The following NCKAP5 variants were observed in gnomAD, a reference collection of about 807,000 sequenced individuals.
NCKAP5 encodes NCK associated protein 5.
In NCKAP5, 92 loss-of-function variants were observed where a neutral mutation model predicts 167.0. That is an observed-to-expected ratio of 0.55 (90% CI 0.47 to 0.66). NCKAP5 has a LOEUF of 0.66. Ranked by LOEUF, NCKAP5 falls within the 30% of genes least tolerant of loss-of-function variation. The pLI is 0.00. For missense variants in NCKAP5, 2,378 were observed against 2,315.0 expected, an observed-to-expected ratio of 1.03 and a Z score of -0.56; for synonymous variants, 891 against 877.4, an observed-to-expected ratio of 1.02 and a Z score of -0.27.
At chr2:133,212,288 G>C (rs995294664) in intron 5 of NCKAP5, among the ~76,000 whole-genome samples, 2 of 152,142 alleles carry the variant, frequency 1.3e-5, no homozygotes, top group Non-Finnish European at 2.9e-5. Flanking sequence ...GAAAAGTCCA[G>C]ATTGGAAATG....
chr2:133,179,861 G>C (rs1471793068), intron 5 of NCKAP5, among the ~76,000 whole-genome samples: 1 of 152,074 alleles, frequency 6.6e-6, no homozygotes, highest in Non-Finnish European at 1.5e-5. Flanking sequence ...GAATGAAACA[G>C]AGGGTTTCAG....
At chr2:133,218,838 T>A (rs2086538570) in intron 4 of NCKAP5, among the ~76,000 whole-genome samples, 1 of 152,184 alleles carries the variant, frequency 6.6e-6, no homozygotes, top group Non-Finnish European at 1.5e-5. Flanking sequence ...CTTTATAAAC[T>A]ATTAGGACTG....
chr2:132,985,569 T>G (rs1378991801), intron 7 of NCKAP5, among the ~76,000 whole-genome samples: 1 of 152,156 alleles, frequency 6.6e-6, no homozygotes, highest in African/African-American at 2.4e-5. Flanking sequence ...TTGAAAGACA[T>G]TATTTTTGAC....
chr2:133,429,316 TTTTGGA>T (rs1348669643), intron 3 of NCKAP5, among the ~76,000 whole-genome samples: 1 of 152,122 alleles, frequency 6.6e-6, no homozygotes, highest in African/African-American at 2.4e-5. Flanking sequence ...TCCATTTTTA[TTTTGGA>T]TTCATGCAGT....
chr2:133,535,981 T>A, intron 2 of NCKAP5, among the ~76,000 whole-genome samples: 1 of 152,088 alleles, frequency 6.6e-6, no homozygotes, highest in East Asian at 1.9e-4. Flanking sequence ...CACTTTCTAA[T>A]GCAGTTGTTT....
At chr2:133,369,065 T>A (rs13426681) in intron 3 of NCKAP5, among the ~76,000 whole-genome samples, 33,083 of 151,622 alleles carry the variant, frequency 0.22, 3,848 homozygotes, top group Non-Finnish European at 0.25. Context: ...ACTGGACAGG[T>A]GGAGTAGGCA....
Position 133,348,529 on chromosome 2 carries a change from C to A in NCKAP5, c.70-45419G>T, listed in dbSNP as rs534377774. Among the ~76,000 whole-genome samples, 3 of 152,244 alleles carry A rather than the reference C, an allele frequency of 2.0e-5. No individual in the cohort carries two copies. In the South Asian group the frequency reaches 6.2e-4, roughly 32 times the overall value. On this transcript the variant is annotated intron_variant, in intron 3 of 19. Transcript: ENST00000409261. The stretch of plus-strand genomic sequence containing the variant: ...TACAGCCCTACTATAGCCAACATCA[C>A]CATGTTTTCACATCCCCAAAGGCCC...
chr2:132,755,873 A>AATG (rs968216599), intron 16 of NCKAP5, among the ~76,000 whole-genome samples: 1 of 149,132 alleles, frequency 6.7e-6, no homozygotes, highest in Non-Finnish European at 1.5e-5. Flanking sequence ...TAATAATAAT[A>AATG]ATAATAATAA....
intron 9 of NCKAP5, among the ~76,000 whole-genome samples, chr2:132,871,011 A>G (rs2148770797): frequency 6.6e-6 from 1 of 152,314 alleles, no homozygotes; most frequent in Non-Finnish European, 1.5e-5. Context: ...TAAGTAAAAA[A>G]GAAAGGCTCT....
intron 8 of NCKAP5, among the ~76,000 whole-genome samples, chr2:132,885,446 T>C (rs887687420): frequency 1.3e-5 from 2 of 152,244 alleles, no homozygotes; most frequent in Admixed American, 1.3e-4. Flanking sequence ...AGTGAATCTT[T>C]GCATTCAGCT....
At chr2:133,415,621 TC>T (rs912287287) in intron 3 of NCKAP5, among the ~76,000 whole-genome samples, 3 of 152,226 alleles carry the variant, frequency 2.0e-5, no homozygotes, top group Admixed American at 6.5e-5. Flanking sequence ...CACCAGGGGT[TC>T]CACTGACCAC....
chr2:133,299,330 G>C (rs922938533), intron 4 of NCKAP5, among the ~76,000 whole-genome samples: 1 of 152,164 alleles, frequency 6.6e-6, no homozygotes, highest in African/African-American at 2.4e-5. Context: ...ACCCGGCCTG[G>C]TGAGGAGCCC....
chr2:133,184,076 G>T (rs1039136981), intron 5 of NCKAP5, among the ~76,000 whole-genome samples: 1 of 151,940 alleles, frequency 6.6e-6, no homozygotes, highest in African/African-American at 2.4e-5. Flanking sequence ...CCCAAGTAGT[G>T]AGCACAGTAC....
chr2:133,387,124 C>T lies in NCKAP5; in HGVS notation c.70-84014G>A, dbSNP rs931045335. On this transcript the variant is annotated intron_variant, in intron 3 of 19. Coordinates refer to ENST00000409261, the MANE Select transcript of NCKAP5 (RefSeq NM_207363.3). ...TGGTTATTTTGCTCGTTAGTTGATG[C>T]GGTTTCCTCCTAAACTTGATGGTCT... Among the ~76,000 whole-genome samples, 12 of 152,266 alleles carry T rather than the reference C, an allele frequency of 7.9e-5. No individual in the cohort carries two copies. The East Asian group carries it at 1.2e-3, about 15-fold the overall frequency.
At chr2:132,939,675 C>T (rs1017152329) in intron 8 of NCKAP5, among the ~76,000 whole-genome samples, 3 of 152,000 alleles carry the variant, frequency 2.0e-5, no homozygotes, top group Admixed American at 6.6e-5. Context: ...TCAGTGTACC[C>T]ATCACCCAAG....
intron 7 of NCKAP5, among the ~76,000 whole-genome samples, chr2:132,973,888 C>T (rs2076904801): frequency 6.6e-6 from 1 of 152,154 alleles, no homozygotes; most frequent in Non-Finnish European, 1.5e-5. Context: ...AATATAAGCC[C>T]TTTCTAATGG....
At chr2:133,111,985 A>G (rs1210542168) in intron 6 of NCKAP5, among the ~76,000 whole-genome samples, 5 of 152,230 alleles carry the variant, frequency 3.3e-5, no homozygotes. Context: ...TTAAAAGAAT[A>G]CATGAGAGGT....
intron 8 of NCKAP5, among the ~76,000 whole-genome samples, chr2:132,892,897 T>C (rs934531338): frequency 7.2e-5 from 11 of 151,766 alleles, no homozygotes; most frequent in African/African-American, 2.4e-4. Flanking sequence ...ACCAGCGTGT[T>C]TGAACCCTCT....
At chr2:133,661,929 G>A in the NCKAP5 span, among the ~76,000 whole-genome samples, 1 of 152,044 alleles carries the variant, frequency 6.6e-6, no homozygotes, top group African/African-American at 2.4e-5. Context: ...CATGGAGCCG[G>A]TAAACTAAGA....
Sources: allele counts gnomAD v4.1 joint callset (sites outside exome capture counted in the v4.1 genomes callset), GRCh38; gene constraint gnomAD v4.1.1; transcripts MANE v1.5; gene names NCBI Gene and HGNC (gene_info 2026-07-23, HGNC 2026-07-21).